SLC67A1: variants seen among roughly 807,000 people sequenced by gnomAD.
SLC67A1 encodes the protein solute carrier family 67 member A1.
the SLC67A1 span, chr11:2,909,358 T>C: frequency 7.3e-7 from 1 of 1,375,492 alleles, no homozygotes; most frequent in Non-Finnish European, 9.3e-7. Flanking sequence ...CGCTGCCAGG[T>C]AGGGCCGGGG....
the SLC67A1 span, among the ~76,000 whole-genome samples, chr11:2,901,787 AC>A: frequency 6.6e-6 from 1 of 151,738 alleles, no homozygotes; most frequent in Non-Finnish European, 1.5e-5. Flanking sequence ...TCTCCTGGTC[AC>A]TCTTCTGGGG....
At chr11:2,922,050 C>A in the SLC67A1 span, 2 of 1,375,986 alleles carry the variant, frequency 1.5e-6, no homozygotes, top group South Asian at 1.2e-5. Flanking sequence ...AGTCCAGACG[C>A]CCCTCCCTCG....
At chr11:2,923,199 C>A in the SLC67A1 span, among the ~76,000 whole-genome samples, 1 of 152,204 alleles carries the variant, frequency 6.6e-6, no homozygotes, top group Non-Finnish European at 1.5e-5. The surrounding 1 kb of genome is among the most constrained non-coding windows in gnomAD (Gnocchi z 6.5). Flanking sequence ...CTCCTGTGGG[C>A]TGGTTGAGGT....
the SLC67A1 span, among the ~76,000 whole-genome samples, chr11:2,900,950 G>A: frequency 6.6e-6 from 1 of 152,150 alleles, no homozygotes; most frequent in Non-Finnish European, 1.5e-5. Flanking sequence ...AAACAAGAGA[G>A]GTCAGATAAT....
At chr11:2,924,685 T>A in the SLC67A1 span, among the ~76,000 whole-genome samples, 1 of 152,122 alleles carries the variant, frequency 6.6e-6, no homozygotes. This position sits in a 1 kb window ranked among gnomAD's most constrained non-coding sequence, Gnocchi z 8.6. Flanking sequence ...GGAAACTTTC[T>A]GGAGCAGGGA....
the SLC67A1 span, chr11:2,916,223 T>C: frequency 5.6e-6 from 1 of 178,690 alleles, no homozygotes; most frequent in African/African-American, 2.4e-5. Flanking sequence ...GGTGCCCAGG[T>C]CTCGGAGAGC....
the SLC67A1 span, among the ~76,000 whole-genome samples, chr11:2,912,356 CCCCTGGCCCTCTTGGTCCAGCT>C: frequency 8.3e-4 from 126 of 152,364 alleles, 1 homozygote; most frequent in Non-Finnish European, 2.2e-4. Flanking sequence ...AAGGGCCAGC[CCCCTGGCCCTCTTGGTCCAGCT>C]GCCCCAACGC....
At chr11:2,900,969 A>C in the SLC67A1 span, among the ~76,000 whole-genome samples, 19,171 of 152,126 alleles carry the variant, frequency 0.13, 1,932 homozygotes, top group East Asian at 0.55. Context: ...ATTTATGGCC[A>C]GCTTCTAAAC....
the SLC67A1 span, chr11:2,924,927 T>C: frequency 7.6e-7 from 1 of 1,320,304 alleles, no homozygotes; most frequent in Non-Finnish European, 1.0e-6. The surrounding 1 kb of genome is among the most constrained non-coding windows in gnomAD (Gnocchi z 8.6). Context: ...TCAGGAGAGA[T>C]GGGAGGCCAT....
the SLC67A1 span, among the ~76,000 whole-genome samples, chr11:2,911,986 G>A: frequency 7.2e-5 from 11 of 152,302 alleles, 1 homozygote; most frequent in South Asian, 1.5e-3. Context: ...CAATCTTGAC[G>A]TTTCATAATC....
the SLC67A1 span, chr11:2,909,960 C>T: frequency 4.5e-6 from 2 of 445,178 alleles, no homozygotes; most frequent in African/African-American, 2.1e-5. Flanking sequence ...AAGCTGTCCA[C>T]GCACAGCCCC....
the SLC67A1 span, among the ~76,000 whole-genome samples, chr11:2,908,855 G>A: frequency 2.0e-3 from 303 of 152,298 alleles, 1 homozygote; most frequent in African/African-American, 7.0e-3. Context: ...GGAGAAAGGC[G>A]CTGCTTTCTC....
At chr11:2,905,310 A>G in the SLC67A1 span, among the ~76,000 whole-genome samples, 1 of 152,152 alleles carries the variant, frequency 6.6e-6, no homozygotes, top group Admixed American at 6.5e-5. Context: ...GCAGCAGACC[A>G]TCGTGGAGGA....
the SLC67A1 span, among the ~76,000 whole-genome samples, chr11:2,900,543 A>C: frequency 6.6e-6 from 1 of 151,748 alleles, no homozygotes; most frequent in Admixed American, 6.6e-5. Context: ...AATACAAAAA[A>C]ATTAGCGGGG....
chr11:2,924,365 A>C, the SLC67A1 span, among the ~76,000 whole-genome samples: 1 of 152,062 alleles, frequency 6.6e-6, no homozygotes, highest in Admixed American at 6.5e-5. This position sits in a 1 kb window ranked among gnomAD's most constrained non-coding sequence, Gnocchi z 8.6. Context: ...ATGGAGTAGT[A>C]GGAGCTCCGC....
the SLC67A1 span, chr11:2,921,031 G>A: frequency 2.1e-5 from 3 of 141,892 alleles, no homozygotes; most frequent in Non-Finnish European, 3.0e-5. Flanking sequence ...CCATCCTGGC[G>A]AACATGGTGA....
At chr11:2,914,208 A>G in the SLC67A1 span, among the ~76,000 whole-genome samples, 4 of 152,330 alleles carry the variant, frequency 2.6e-5, no homozygotes, top group Non-Finnish European at 5.9e-5. Context: ...AGACAAAGAC[A>G]AATTAACCTG....
chr11:2,919,255 G>A, the SLC67A1 span: 97 of 1,364,702 alleles, frequency 7.1e-5, no homozygotes, highest in Middle Eastern at 3.6e-4. Flanking sequence ...GGAGGTGGGC[G>A]CCAAGGTCGG....
At chr11:2,907,105 G>C in the SLC67A1 span, among the ~76,000 whole-genome samples, 1 of 151,588 alleles carries the variant, frequency 6.6e-6, no homozygotes, top group African/African-American at 2.4e-5. This position sits in a 1 kb window ranked among gnomAD's most constrained non-coding sequence, Gnocchi z 6.7. Context: ...GGGGGTTACC[G>C]ACTGCCCTTG....
Sources: gnomAD v4.1 joint callset for allele counts (sites outside exome capture counted in the v4.1 genomes callset) on GRCh38, gnomAD v4.1.1 for gene constraint, Gnocchi (gnomAD v3.1) non-coding constraint, MANE v1.5 for transcripts, NCBI Gene and HGNC (gene_info 2026-07-23, HGNC 2026-07-21) for gene names.